FBRSL1: variants seen among roughly 807,000 people sequenced by gnomAD.
FBRSL1 encodes fibrosin like 1.
Under a neutral mutation model 89.6 loss-of-function variants are expected in FBRSL1, and 51 were observed. The ratio of observed to expected loss-of-function variants is 0.57; its 90% CI spans 0.45 to 0.72. FBRSL1 has a LOEUF of 0.72. Among genes scored for constraint, FBRSL1 ranks in the 30% least tolerant of loss-of-function variants. FBRSL1 has a pLI of 0.00. For synonymous variants in FBRSL1, 779 were observed against 681.1 expected, an observed-to-expected ratio of 1.14 and a Z score of -2.24; for missense variants, 1,618 against 1,451.8, an observed-to-expected ratio of 1.11 and a Z score of -1.86.
rs940410746 is a variant in FBRSL1, at chr12:132,572,627, C to T, written c.1530+5C>T. On this transcript the variant is annotated splice_donor_5th_base_variant and intron_variant, in intron 11 of 18. Coordinates refer to ENST00000680143, the MANE Select transcript of FBRSL1 (RefSeq NM_001367871.1). Reference sequence around the variant, plus strand: ...CAGGGCGCTTTTCAGCCTAAGGTACCGCTGCCCCTGGCAGGTGGGGCGGGC... The same window carrying T: ...CAGGGCGCTTTTCAGCCTAAGGTACTGCTGCCCCTGGCAGGTGGGGCGGGC... The T allele has an allele frequency of 3.7e-5, 57 of 1,546,542 alleles. No homozygotes were observed. Among genetic ancestry groups the T allele is most frequent in the Middle Eastern group, 3.3e-4 (2 of 6,004 alleles).
chr12:132,508,454 G>T (rs2033947944), intron 2 of FBRSL1, 104 bp downstream of exon 2: 1 of 1,230,910 alleles, frequency 8.1e-7, no homozygotes, highest in Non-Finnish European at 1.1e-6. Flanking sequence ...CCCCGGGCCT[G>T]CCTGGCAGCG....
intron 5 of FBRSL1, among the ~76,000 whole-genome samples, chr12:132,548,851 A>G (rs2037911850): frequency 6.6e-6 from 1 of 152,210 alleles, no homozygotes; most frequent in Admixed American, 6.5e-5. Flanking sequence ...ACGGCCCTGC[A>G]GAGGCCCGAG....
intron 1 of FBRSL1, among the ~76,000 whole-genome samples, chr12:132,493,262 A>G (rs1385678351): frequency 2.0e-5 from 3 of 152,214 alleles, no homozygotes; most frequent in Non-Finnish European, 2.9e-5. Context: ...CTTTGCTCAC[A>G]GTCCCTCTGC....
At chr12:132,513,960 G>A (rs567933580) in intron 2 of FBRSL1, among the ~76,000 whole-genome samples, 4 of 152,246 alleles carry the variant, frequency 2.6e-5, no homozygotes, top group East Asian at 1.9e-4. Context: ...GCAGACCCTC[G>A]TCCGAGGGCC....
intron 1 of FBRSL1, among the ~76,000 whole-genome samples, chr12:132,497,174 T>A (rs1216124345): frequency 6.6e-6 from 1 of 152,204 alleles, no homozygotes; most frequent in Non-Finnish European, 1.5e-5. Context: ...TTTATCACTT[T>A]CTCAGCACCT....
rs764780721 is a variant in FBRSL1 at position 132,546,310 on chromosome 12, G to T, written c.616-1693G>T. Reference sequence around the variant, plus strand: ...CTGGTCTGCATGTCGGGGTCCTGTGGCCCAGCCCTTGGTGAGCTCCGCACC... The same window carrying T: ...CTGGTCTGCATGTCGGGGTCCTGTGTCCCAGCCCTTGGTGAGCTCCGCACC... On this transcript the variant is annotated intron_variant, in intron 4 of 18. Transcript: ENST00000680143. This position sits in a 1 kb window ranked among gnomAD's most constrained non-coding sequence, Gnocchi z 4.0. Among the ~76,000 whole-genome samples, 3 of 152,270 alleles carry T rather than the reference G, an allele frequency of 2.0e-5. No individual in the cohort carries two copies. The highest frequency in any genetic ancestry group is 2.9e-5 in the Non-Finnish European group (2 of 68,044).
chr12:132,521,659 C>T (rs911060784), intron 2 of FBRSL1, among the ~76,000 whole-genome samples: 10 of 152,164 alleles, frequency 6.6e-5, no homozygotes, highest in African/African-American at 2.4e-4. Context: ...GTGTGAGAGT[C>T]GCCCTGGTGT....
chr12:132,579,323 GTATCAT>G (rs2040591108), intron 15 of FBRSL1, among the ~76,000 whole-genome samples: 2 of 152,280 alleles, frequency 1.3e-5, no homozygotes, highest in African/African-American at 4.8e-5. Context: ...GTCATCTCCG[GTATCAT>G]TTTCCTATCC....
rs182602873 is a variant in FBRSL1 at position 132,580,497 on chromosome 12, A to T, written c.1835-942A>T. Among the ~76,000 whole-genome samples, 505 of 152,244 alleles carry T rather than the reference A, an allele frequency of 3.3e-3. 3 individuals carry two copies. The highest frequency in any genetic ancestry group is 0.011 in the African/African-American group (472 of 41,524). On this transcript the variant is annotated intron_variant, in intron 15 of 18. Transcript: ENST00000680143. ...CCTGTCTAGCTTGATCTGGTGGTTG[A>T]GAATATTAATTCCTCAGCCTCTCCC...
chr12:132,534,869 A>AC (rs1477689515), intron 4 of FBRSL1, among the ~76,000 whole-genome samples: 3 of 152,092 alleles, frequency 2.0e-5, no homozygotes, highest in African/African-American at 7.2e-5. Context: ...GAGGGGTTGG[A>AC]CCCTGGCCTG....
intron 4 of FBRSL1, among the ~76,000 whole-genome samples, chr12:132,533,690 T>C (rs1423857536): frequency 6.6e-6 from 1 of 152,250 alleles, no homozygotes; most frequent in Admixed American, 6.5e-5. Flanking sequence ...TGTCCGTCCA[T>C]GCCACAGTGA....
chr12:132,498,676 CCCCCATCCTGGTCAGCAGGCGG>C (rs1286571167), intron 1 of FBRSL1, among the ~76,000 whole-genome samples: 10 of 152,222 alleles, frequency 6.6e-5, no homozygotes, highest in African/African-American at 2.4e-4. Flanking sequence ...TGCACAGGGC[CCCCCATCCTGGTCAGCAGGCGG>C]CCCTGCGTGG....
At chr12:132,511,205 C>G in intron 2 of FBRSL1, 2 of 985,458 alleles carry the variant, frequency 2.0e-6, no homozygotes, top group Non-Finnish European at 2.4e-6. Context: ...CCTCTCAGGA[C>G]TCTGCCTCCA....
At chr12:132,529,639 T>C (rs920559997) in intron 4 of FBRSL1, among the ~76,000 whole-genome samples, 2 of 151,658 alleles carry the variant, frequency 1.3e-5, no homozygotes, top group Non-Finnish European at 2.9e-5. Flanking sequence ...CACCCTAAGC[T>C]CTGCCACCCT....
At position 132,507,452 on chromosome 12, in the gene FBRSL1, C is replaced by T. The variant is rs935132140; in HGVS notation, c.292-701C>T. The T allele has an allele frequency of 1.4e-5, 14 of 982,892 alleles. No individual in the cohort carries two copies. The African/African-American group carries it at 2.1e-4, about 15-fold the overall frequency. 60.9% of individuals were successfully genotyped at this position (982,892 alleles called of 1,614,324 possible). On this transcript the variant is annotated intron_variant, in intron 1 of 18. Transcript: ENST00000680143. ...CCCAGAACCTGGGGCTGCCCGATGTCCACCGGCAGGGCGGAGGCTGGAGTG... is the reference window on the plus strand; with the variant it reads ...CCCAGAACCTGGGGCTGCCCGATGTTCACCGGCAGGGCGGAGGCTGGAGTG...
chr12:132,509,601 C>T, intron 2 of FBRSL1: 2 of 1,232,272 alleles, frequency 1.6e-6, no homozygotes. Context: ...GCGGTCCCTC[C>T]TGGCCCCACG....
intron 4 of FBRSL1, among the ~76,000 whole-genome samples, chr12:132,534,476 C>T (rs984874560): frequency 6.6e-6 from 1 of 152,244 alleles, no homozygotes; most frequent in Admixed American, 6.5e-5. Context: ...GGGCGGGGTC[C>T]AGATGGGGCC....
At chr12:132,501,556 G>A (rs1366524996) in intron 1 of FBRSL1, among the ~76,000 whole-genome samples, 1 of 152,206 alleles carries the variant, frequency 6.6e-6, no homozygotes, top group Non-Finnish European at 1.5e-5. Flanking sequence ...CTGCTGTCAT[G>A]AGTTCACAGG....
intron 1 of FBRSL1, among the ~76,000 whole-genome samples, chr12:132,501,730 A>G (rs548901179): frequency 1.3e-5 from 2 of 152,204 alleles, no homozygotes; most frequent in African/African-American, 4.8e-5. Context: ...AGAGGGTGGG[A>G]CCCCAGTGGT....
Sources: gnomAD v4.1 joint callset for allele counts (sites outside exome capture counted in the v4.1 genomes callset) on GRCh38, gnomAD v4.1.1 for gene constraint, Gnocchi (gnomAD v3.1) non-coding constraint, MANE v1.5 for transcripts, NCBI Gene and HGNC (gene_info 2026-07-23, HGNC 2026-07-21) for gene names.